The following CYTH3 variants were observed in gnomAD, a reference collection of about 807,000 sequenced individuals.
CYTH3 encodes cytohesin-3.
CYTH3 carries 23 observed loss-of-function variants against 55.1 expected under a neutral mutation model. That is an observed-to-expected ratio of 0.42 (90% CI 0.30 to 0.59). The LOEUF is 0.59. Among genes scored for constraint, CYTH3 ranks in the 20% least tolerant of loss-of-function variants. The probability of loss-of-function intolerance (pLI) is 0.20; values close to 1 mark genes in which losing one functional copy is unlikely to be tolerated. For missense variants in CYTH3, 413 were observed against 524.8 expected (o/e 0.79, Z 2.08); for synonymous variants, 249 against 194.9 (o/e 1.28, Z -2.31).
At chr7:6,255,352 A>AG (rs1780070718) in intron 1 of CYTH3, among the ~76,000 whole-genome samples, 1 of 152,240 alleles carries the variant, frequency 6.6e-6, no homozygotes, top group African/African-American at 2.4e-5. Context: ...GCCTTGAACA[A>AG]GGGGAATTAC....
chr7:6,262,202 C>G (rs1232802400), intron 1 of CYTH3, among the ~76,000 whole-genome samples: 2 of 152,094 alleles, frequency 1.3e-5, no homozygotes, highest in Non-Finnish European at 2.9e-5. Flanking sequence ...ATACAGGACA[C>G]GACACAGAGG....
At chr7:6,168,910 G>A (rs893410146) in intron 9 of CYTH3, among the ~76,000 whole-genome samples, 9 of 152,226 alleles carry the variant, frequency 5.9e-5, no homozygotes, top group African/African-American at 1.9e-4. Context: ...CTAATCAAAC[G>A]AACATCCCAC....
intron 5 of CYTH3, among the ~76,000 whole-genome samples, chr7:6,177,448 C>T (rs1332712356): frequency 2.0e-5 from 3 of 152,180 alleles, no homozygotes; most frequent in Non-Finnish European, 4.4e-5. Flanking sequence ...ATTCATACTG[C>T]AAGTAACAGG....
intron 1 of CYTH3, among the ~76,000 whole-genome samples, chr7:6,193,287 A>C (rs1376289260): frequency 6.6e-6 from 1 of 151,982 alleles, no homozygotes; most frequent in African/African-American, 2.4e-5. Flanking sequence ...ATACAAATTA[A>C]AATCCCAACA....
intron 1 of CYTH3, among the ~76,000 whole-genome samples, chr7:6,211,665 A>T (rs1323647152): frequency 6.6e-6 from 1 of 152,132 alleles, no homozygotes; most frequent in African/African-American, 2.4e-5. Flanking sequence ...ATGTACAATT[A>T]AATTATTATT....
intron 1 of CYTH3, among the ~76,000 whole-genome samples, chr7:6,208,889 A>G (rs1404587305): frequency 6.6e-6 from 1 of 152,224 alleles, no homozygotes; most frequent in African/African-American, 2.4e-5. Context: ...CATCAGAAAC[A>G]CTTGGAGGTA....
In CYTH3 at chr7:6,163,541, C is replaced by T. The variant is rs1199653139; in HGVS notation, c.*1403G>A. 6.6e-6 allele frequency: 1 copy of T among 152,378 alleles called. No homozygotes were observed. Among genetic ancestry groups the T allele is most frequent in the Non-Finnish European group, 1.5e-5 (1 of 68,184 alleles). The allele number at this position is 152,378 out of a possible 1,614,324, so 9.4% of individuals were successfully genotyped here. On this transcript the variant is annotated 3_prime_UTR_variant, in exon 13 of 13. Coordinates refer to ENST00000350796, the MANE Select transcript of CYTH3 (RefSeq NM_004227.4). ...CAATGCCCCCGGTCCAGCCCTGAGCCCTCTCTGTAGGTGGGGCCCAGATCC... is the reference window on the plus strand; with the variant it reads ...CAATGCCCCCGGTCCAGCCCTGAGCTCTCTCTGTAGGTGGGGCCCAGATCC...
intron 4 of CYTH3, among the ~76,000 whole-genome samples, 158 bp downstream of exon 4, chr7:6,186,892 C>T (rs777880112): frequency 3.9e-5 from 6 of 152,340 alleles, no homozygotes; most frequent in South Asian, 4.1e-4. Context: ...TCACCCCACT[C>T]GCGAAAAGCC....
chr7:6,218,409 C>A (rs1784471783), intron 1 of CYTH3, among the ~76,000 whole-genome samples: 2 of 152,150 alleles, frequency 1.3e-5, no homozygotes, highest in Non-Finnish European at 2.9e-5. Flanking sequence ...AATGCATTCT[C>A]TCCTCCAGAT....
chr7:6,205,654 G>C (rs909090435), intron 1 of CYTH3, among the ~76,000 whole-genome samples: 3 of 151,956 alleles, frequency 2.0e-5, no homozygotes, highest in South Asian at 2.1e-4. Flanking sequence ...GAACAACTTA[G>C]AAAATAACAA....
intron 5 of CYTH3, among the ~76,000 whole-genome samples, chr7:6,174,785 G>C (rs912579111): frequency 6.6e-6 from 1 of 151,972 alleles, no homozygotes; most frequent in African/African-American, 2.4e-5. Context: ...CTAACCTCGT[G>C]ATCCACCCAC....
intron 1 of CYTH3, among the ~76,000 whole-genome samples, chr7:6,218,624 G>C (rs1247456811): frequency 2.0e-5 from 3 of 152,200 alleles, no homozygotes; most frequent in Non-Finnish European, 4.4e-5. Context: ...CTTTCAAATT[G>C]TAAGGGACAG....
intron 6 of CYTH3, 134 bp downstream of exon 6, chr7:6,173,519 C>T (rs955184860): frequency 3.5e-5 from 24 of 693,138 alleles, no homozygotes; most frequent in South Asian, 5.0e-5. Flanking sequence ...CTGGATCATC[C>T]GGAAAAGGAG....
rs139255598 is a variant in CYTH3 at position 6,228,305 on chromosome 7, T to C, written c.35-37774A>G. 4.4e-3 allele frequency among the ~76,000 whole-genome samples: 663 copies of C among 152,358 alleles called. 6 individuals are homozygous for C. The highest frequency in any genetic ancestry group is 0.015 in the African/African-American group (639 of 41,586). ...AGAGGGACCTTTTCCATTTTTTATA[T>C]ACATTTGCTTTAAAGCTTATGCTTT... On this transcript the variant is annotated intron_variant, in intron 1 of 12. Coordinates refer to ENST00000350796, the MANE Select transcript of CYTH3 (RefSeq NM_004227.4).
intron 1 of CYTH3, among the ~76,000 whole-genome samples, chr7:6,265,416 G>A (rs998432985): frequency 6.6e-6 from 1 of 151,600 alleles, no homozygotes; most frequent in African/African-American, 2.4e-5. Context: ...TTCAAGACCA[G>A]CCTGGCCAAT....
In CYTH3 at chr7:6,171,123, G is replaced by T. The variant is rs1254216901; in HGVS notation, c.562+79C>A. 2 of 1,589,016 alleles carry T rather than the reference G, an allele frequency of 1.3e-6. No individual in the cohort carries two copies. Among genetic ancestry groups the T allele is most frequent in the Admixed American group, 1.7e-5 (1 of 59,254 alleles). On this transcript the variant is annotated intron_variant, in intron 7 of 12. Coordinates refer to ENST00000350796, the MANE Select transcript of CYTH3 (RefSeq NM_004227.4). The surrounding 1 kb of genome is among the most constrained non-coding windows in gnomAD (Gnocchi z 6.7). ...GCAGGTCCCCAGGAACACACGCTGG[G>T]CTGTGCCCACAGGGGCCGCCCCCTC... is the stretch of plus-strand genomic sequence containing the variant.
chr7:6,176,909 G>C (rs1468660464), intron 5 of CYTH3, among the ~76,000 whole-genome samples: 1 of 152,180 alleles, frequency 6.6e-6, no homozygotes, highest in African/African-American at 2.4e-5. Context: ...AGCTTTTTAA[G>C]TGTTTTTATC....
chr7:6,259,788 TATA>T (rs1780270139), intron 1 of CYTH3, among the ~76,000 whole-genome samples: 1 of 15,102 alleles, frequency 6.6e-5, no homozygotes, highest in Admixed American at 1.3e-3. Flanking sequence ...ATATATAATA[TATA>T]TATATATATA....
intron 1 of CYTH3, among the ~76,000 whole-genome samples, chr7:6,256,213 C>T (rs1453260331): frequency 1.3e-5 from 2 of 152,162 alleles, no homozygotes; most frequent in East Asian, 1.9e-4. Context: ...AAGATAAAAC[C>T]GCCTACAGCA....
Sources: allele counts gnomAD v4.1 joint callset (sites outside exome capture counted in the v4.1 genomes callset), GRCh38; gene constraint gnomAD v4.1.1; non-coding constraint Gnocchi (gnomAD v3.1); transcripts MANE v1.5; gene names NCBI Gene and HGNC (gene_info 2026-07-23, HGNC 2026-07-21).